RETREG1: variants seen among roughly 807,000 people sequenced by gnomAD.
The protein encoded by RETREG1 is reticulophagy regulator 1.
Under a neutral mutation model 54.8 loss-of-function variants are expected in RETREG1, and 44 were observed. The ratio of observed to expected loss-of-function variants is 0.80; its 90% confidence interval spans 0.63 to 1.03. The LOEUF is 1.03. RETREG1 is among the 50% of genes least tolerant of loss of function. RETREG1 has a pLI of 0.00. For synonymous variants in RETREG1, 217 were observed against 238.5 expected (o/e 0.91, Z 0.83); for missense variants, 554 against 605.1 (o/e 0.92, Z 0.89).
At chr5:16,493,042 G>A (rs567791125) in intron 3 of RETREG1, among the ~76,000 whole-genome samples, 3 of 152,164 alleles carry the variant, frequency 2.0e-5, no homozygotes, top group Non-Finnish European at 4.4e-5. Flanking sequence ...TCTGCCCGGA[G>A]AGCCCCATCT....
chr5:16,543,521 C>G (rs1741303375), intron 3 of RETREG1, among the ~76,000 whole-genome samples: 1 of 151,916 alleles, frequency 6.6e-6, no homozygotes, highest in Admixed American at 6.6e-5. Flanking sequence ...AGTAAAAATA[C>G]AAAAATTAGC....
At chr5:16,615,880 G>A (rs1011525519) in intron 1 of RETREG1, 1 of 152,184 alleles carries the variant, frequency 6.6e-6, no homozygotes, top group Non-Finnish European at 1.5e-5. Context: ...AAACAAAGAA[G>A]GTTTTTCTCC....
At chr5:16,497,293 G>A (rs557353444) in intron 3 of RETREG1, among the ~76,000 whole-genome samples, 11 of 152,248 alleles carry the variant, frequency 7.2e-5, no homozygotes, top group East Asian at 3.9e-4. Context: ...TCCAAAGCCC[G>A]TTCTCTTCCA....
intron 1 of RETREG1, among the ~76,000 whole-genome samples, chr5:16,589,635 GGATTACAGGT>G (rs1362451802): frequency 6.6e-6 from 1 of 152,146 alleles, no homozygotes; most frequent in Admixed American, 6.6e-5. Context: ...CAAAGTGTTG[GGATTACAGGT>G]GTGAGCCACT....
chr5:16,555,346 TTCACCATGTTG>T (rs1451393210), intron 3 of RETREG1, among the ~76,000 whole-genome samples: 1 of 152,096 alleles, frequency 6.6e-6, no homozygotes, highest in Non-Finnish European at 1.5e-5. Flanking sequence ...GAGACGGGGT[TTCACCATGTTG>T]GCCAGGCTGG....
intron 3 of RETREG1, among the ~76,000 whole-genome samples, chr5:16,504,045 C>T (rs1333058420): frequency 6.6e-6 from 1 of 152,176 alleles, no homozygotes; most frequent in South Asian, 2.1e-4. Context: ...TTTCCTAATG[C>T]TCTCCCTCCC....
chr5:16,531,457 T>C (rs1740913028), intron 3 of RETREG1, among the ~76,000 whole-genome samples: 1 of 152,150 alleles, frequency 6.6e-6, no homozygotes. Context: ...ATGGTCCCTG[T>C]AGTCACCAAG....
intron 3 of RETREG1, among the ~76,000 whole-genome samples, chr5:16,541,542 CTGGGCATGG>C (rs1741243780): frequency 6.6e-6 from 1 of 152,078 alleles, no homozygotes; most frequent in Non-Finnish European, 1.5e-5. Flanking sequence ...CAAAAATTAG[CTGGGCATGG>C]TGGCAGGCAC....
chr5:16,573,888 G>A (rs371707516), intron 1 of RETREG1, among the ~76,000 whole-genome samples: 1 of 152,024 alleles, frequency 6.6e-6, no homozygotes, highest in Non-Finnish European at 1.5e-5. Context: ...GGAAATATAG[G>A]TGTCTGCCAC....
At chr5:16,533,984 T>A (rs12109050) in intron 3 of RETREG1, among the ~76,000 whole-genome samples, 129,707 of 152,054 alleles carry the variant, frequency 0.85, 55,348 homozygotes, top group Middle Eastern at 0.88. Flanking sequence ...GTGTGAGGTC[T>A]GGAGCCTACA....
rs544376173 is a variant in RETREG1 at position 16,577,573 on chromosome 5, A to G, written c.321-5471T>C. Among the ~76,000 whole-genome samples the G allele has an allele frequency of 4.5e-3, 681 of 152,076 alleles. 3 individuals are homozygous for G. The highest frequency in any genetic ancestry group is 6.6e-3 in the Non-Finnish European group (449 of 67,980). On this transcript the variant is annotated intron_variant, in intron 1 of 8. Coordinates refer to ENST00000306320, the MANE Select transcript of RETREG1 (RefSeq NM_001034850.3). ...GTCGGAAAGGCAGCATCAGTTCTTG[A>G]GTTCTTCCCTTTATTTTACCGGTTT...
chr5:16,502,456 G>A (rs1461034491), intron 3 of RETREG1, among the ~76,000 whole-genome samples: 4 of 152,172 alleles, frequency 2.6e-5, no homozygotes, highest in African/African-American at 9.7e-5. Flanking sequence ...AATAATAAAC[G>A]TGGGTCAATC....
At position 16,597,395 on chromosome 5, in the gene RETREG1, C is replaced by G. The variant is rs966106960; in HGVS notation, c.320+19257G>C. On this transcript the variant is annotated intron_variant, in intron 1 of 8. Transcript: ENST00000306320. The surrounding 1 kb of genome is among the most constrained non-coding windows in gnomAD (Gnocchi z 4.3). ...ATTATCCTTATTCACTGATTTGTCA[C>G]TGTACCTTCATCATTAAATCCAAAA... is the stretch of plus-strand genomic sequence containing the variant. 2.0e-5 allele frequency among the ~76,000 whole-genome samples: 3 copies of G among 152,230 alleles called. No individual in the cohort carries two copies. Among genetic ancestry groups the G allele is most frequent in the African/African-American group, 4.8e-5 (2 of 41,462 alleles).
chr5:16,601,799 TA>T (rs1743062140), intron 1 of RETREG1, among the ~76,000 whole-genome samples: 1 of 151,850 alleles, frequency 6.6e-6, no homozygotes, highest in Non-Finnish European at 1.5e-5. Flanking sequence ...ATGAAAAAAA[TA>T]TCAACAGAGG....
At chr5:16,571,909 C>CT (rs771930324) in intron 2 of RETREG1, 87 bp downstream of exon 2, 157 of 930,564 alleles carry the variant, frequency 1.7e-4, no homozygotes, top group Non-Finnish European at 2.4e-4. Context: ...GTTCAAAGGA[C>CT]TAATTGGCTA....
chr5:16,487,183 C>A (rs1739051583), intron 3 of RETREG1, among the ~76,000 whole-genome samples: 2 of 152,170 alleles, frequency 1.3e-5, no homozygotes, highest in Non-Finnish European at 2.9e-5. Context: ...CCTAAACAAA[C>A]AATACAAGTC....
intron 3 of RETREG1, among the ~76,000 whole-genome samples, chr5:16,485,461 G>A (rs899941211): frequency 5.3e-5 from 8 of 152,082 alleles, no homozygotes; most frequent in African/African-American, 1.7e-4. Flanking sequence ...GAACCACTGC[G>A]CGAGGACAAA....
chr5:16,519,991 G>T (rs2250531), intron 3 of RETREG1, among the ~76,000 whole-genome samples: 79,804 of 151,830 alleles, frequency 0.53, 21,291 homozygotes, highest in East Asian at 0.81. Context: ...CACCCCTACC[G>T]CCTGACCCTG....
intron 3 of RETREG1, among the ~76,000 whole-genome samples, chr5:16,538,680 A>T (rs1741148347): frequency 6.6e-6 from 1 of 151,970 alleles, no homozygotes; most frequent in Non-Finnish European, 1.5e-5. Context: ...TAGCATCAAG[A>T]AGAACAAATA....
Sources: allele counts gnomAD v4.1 joint callset (sites outside exome capture counted in the v4.1 genomes callset), GRCh38; gene constraint gnomAD v4.1.1; non-coding constraint Gnocchi (gnomAD v3.1); transcripts MANE v1.5; gene names NCBI Gene and HGNC (gene_info 2026-07-23, HGNC 2026-07-21).